NEBL: variants seen among roughly 807,000 people sequenced by gnomAD.
NEBL encodes LIM and SH3 protein 2.
Under a neutral mutation model 140.2 loss-of-function variants are expected in NEBL, and 122 were observed. The observed-to-expected ratio is 0.87, with a 90% CI of 0.75 to 1.01. The LOEUF (loss-of-function observed/expected upper bound fraction) is 1.01. NEBL is among the 50% of genes least tolerant of loss of function. The pLI is 0.00. For missense variants in NEBL, 1,365 were observed against 1,231.3 expected, an observed-to-expected ratio of 1.11 and a Z score of -1.62; for synonymous variants, 436 against 398.9, an observed-to-expected ratio of 1.09 and a Z score of -1.11.
chr10:21,047,921 C>G (rs966369636), intron 2 of NEBL, among the ~76,000 whole-genome samples: 3 of 152,244 alleles, frequency 2.0e-5, no homozygotes, highest in Non-Finnish European at 2.9e-5. Flanking sequence ...AAGAAGACCA[C>G]TTTCACCCTA....
At chr10:20,998,209 G>A (rs931196835) in intron 3 of NEBL, among the ~76,000 whole-genome samples, 8 of 152,212 alleles carry the variant, frequency 5.3e-5, no homozygotes, top group South Asian at 4.2e-4. Context: ...CTTTGGAGTC[G>A]GAAAGTCCTG....
At chr10:21,246,806 C>T (rs1842522527) in intron 3 of NEBL, among the ~76,000 whole-genome samples, 1 of 152,068 alleles carries the variant, frequency 6.6e-6, no homozygotes, top group African/African-American at 2.4e-5. Context: ...TGCACTCCAG[C>T]CTGGGTGACA....
At chr10:20,913,431 C>T (rs3802729) in intron 4 of NEBL, among the ~76,000 whole-genome samples, 4,963 of 152,208 alleles carry the variant, frequency 0.033, 388 homozygotes, top group East Asian at 0.28. Context: ...TAATGGAATG[C>T]TTCATTAAAA....
intron 3 of NEBL, among the ~76,000 whole-genome samples, chr10:21,227,761 T>TCTTCTTTCTG (rs1842187278): frequency 6.7e-6 from 1 of 149,620 alleles, no homozygotes; most frequent in African/African-American, 2.5e-5. Context: ...TTCTTCTTCT[T>TCTTCTTTCTG]CTTCTTCTTT....
Position 20,828,475 on chromosome 10 carries a change from T to C in NEBL, c.1776+55A>G, listed in dbSNP as rs982440214. On this transcript the variant is annotated intron_variant, in intron 17 of 27. Transcript: ENST00000377122. ...TCAGACAATGAGGAAAAAAGACCATTTCTTACAAAACAAAATTTCAAGGTG... is the reference window on the plus strand; with the variant it reads ...TCAGACAATGAGGAAAAAAGACCATCTCTTACAAAACAAAATTTCAAGGTG... The C allele has an allele frequency of 3.3e-6, 4 of 1,213,654 alleles. No individual in the cohort carries two copies. In the African/African-American group the frequency reaches 6.0e-5, roughly 18 times the overall value. The allele number at this position is 1,213,654 out of a possible 1,614,324, so 75.2% of individuals were successfully genotyped here.
intron 18 of NEBL, among the ~76,000 whole-genome samples, chr10:20,825,616 A>G (rs980085891): frequency 6.6e-6 from 1 of 151,906 alleles, no homozygotes; most frequent in African/African-American, 2.4e-5. Flanking sequence ...GTGAGCTGAG[A>G]TTACGCCACT....
chr10:20,813,223 T>G (rs1838352541), intron 23 of NEBL, among the ~76,000 whole-genome samples: 1 of 151,148 alleles, frequency 6.6e-6, no homozygotes, highest in Non-Finnish European at 1.5e-5. Context: ...TAAAAATACA[T>G]ATTCTCAAAT....
intron 22 of NEBL, among the ~76,000 whole-genome samples, chr10:20,814,410 G>A (rs1838491923): frequency 6.6e-6 from 1 of 150,930 alleles, no homozygotes; most frequent in African/African-American, 2.4e-5. Context: ...AGGCTGGGCA[G>A]CACAGTGAAA....
chr10:20,910,834 T>G (rs552826801), intron 4 of NEBL, among the ~76,000 whole-genome samples: 18 of 144,690 alleles, frequency 1.2e-4, no homozygotes, highest in East Asian at 5.8e-4. Context: ...TTTTGTTTTT[T>G]TTTTTTTGGC....
chr10:20,835,372 A>G, intron 14 of NEBL, 141 bp downstream of exon 14: 1 of 765,564 alleles, frequency 1.3e-6, no homozygotes, highest in Non-Finnish European at 2.3e-6. Context: ...AACTGGCATA[A>G]TGCTTCGGAA....
At chr10:21,034,167 G>GAAAAAAAAAAAAAAAA (rs964552949) in intron 2 of NEBL, among the ~76,000 whole-genome samples, 4 of 33,500 alleles carry the variant, frequency 1.2e-4, no homozygotes, top group Non-Finnish European at 2.1e-4. Context: ...ACCCTATCTC[G>GAAAAAAAAAAAAAAAA]AAAAAAAAAA....
chr10:20,840,594 G>T, intron 13 of NEBL, 145 bp downstream of exon 13: 1 of 642,490 alleles, frequency 1.6e-6, no homozygotes, highest in South Asian at 1.9e-5. Context: ...AAAATTAATA[G>T]TCCAAGAAAA....
rs548438161 is a variant in NEBL at position 20,869,807 on chromosome 10, G to T, written c.515C>A (p.Thr172Lys). 8 of 1,613,238 alleles carry T rather than the reference G, an allele frequency of 5.0e-6. No homozygotes were observed. The highest frequency in any genetic ancestry group is 4.0e-5 in the African/African-American group (3 of 74,988). ...TGGTCGGTCAAGTTCTGCACTGTACGTGTGGGTGTCCTGCACGTCTTTCCT... is the reference window on the plus strand; with the variant it reads ...TGGTCGGTCAAGTTCTGCACTGTACTTGTGGGTGTCCTGCACGTCTTTCCT... ...SYRKDVQDTH[T>K]YSAELDRPDI... The change falls in exon 6 of 28, where the codon ACG becomes AAG. Residue 172 changes from threonine (T) to lysine (K), a missense_variant. Thr to Lys is a moderately conservative substitution (Grantham distance 78). Transcript: ENST00000377122.
At chr10:20,839,017 C>T (rs114872087) in intron 13 of NEBL, among the ~76,000 whole-genome samples, 3 of 152,200 alleles carry the variant, frequency 2.0e-5, no homozygotes, top group African/African-American at 7.2e-5. Context: ...GGTCTGGAAC[C>T]GAACCCATAG....
At chr10:20,971,535 C>T (rs1187887992) in intron 3 of NEBL, among the ~76,000 whole-genome samples, 1 of 149,734 alleles carries the variant, frequency 6.7e-6, no homozygotes. Context: ...CATGCTGGTG[C>T]GCTGCACCCA....
At chr10:20,812,660 C>T in intron 24 of NEBL, 109 bp downstream of exon 24, 1 of 1,381,994 alleles carries the variant, frequency 7.2e-7, no homozygotes, top group Non-Finnish European at 1.0e-6. Context: ...TTGGGTACCA[C>T]AACCAACATG....
At chr10:20,933,014 G>C (rs1834272718) in intron 4 of NEBL, among the ~76,000 whole-genome samples, 2 of 152,126 alleles carry the variant, frequency 1.3e-5, no homozygotes, top group South Asian at 2.1e-4. Flanking sequence ...AGGTACATTA[G>C]ATACTAACTG....
chr10:21,057,170 C>G (rs1835059410), intron 2 of NEBL, among the ~76,000 whole-genome samples: 1 of 151,954 alleles, frequency 6.6e-6, no homozygotes, highest in African/African-American at 2.4e-5. Context: ...GCTTTCACAT[C>G]TAAAATCTTA....
chr10:21,091,274 A>G (rs1836899650), intron 2 of NEBL, among the ~76,000 whole-genome samples: 1 of 152,240 alleles, frequency 6.6e-6, no homozygotes, highest in South Asian at 2.1e-4. Context: ...CTTATGAAAC[A>G]TCTTGGTTAT....
Sources: allele counts gnomAD v4.1 joint callset (sites outside exome capture counted in the v4.1 genomes callset), GRCh38; gene constraint gnomAD v4.1.1; transcripts MANE v1.5; gene names NCBI Gene and HGNC (gene_info 2026-07-23, HGNC 2026-07-21).